The following ARHGAP1 variants were observed in gnomAD, a reference collection of about 807,000 sequenced individuals.
ARHGAP1 encodes rho GTPase-activating protein 1.
ARHGAP1 carries 23 observed loss-of-function variants against 52.2 expected under a neutral mutation model. That is an observed-to-expected ratio of 0.44 (90% confidence interval 0.32 to 0.62). ARHGAP1 has a LOEUF of 0.62. ARHGAP1 is among the 20% of genes least tolerant of loss of function. The pLI is 0.05. For synonymous variants in ARHGAP1, 210 were observed against 228.4 expected, an observed-to-expected ratio of 0.92 and a Z score of 0.73; for missense variants, 480 against 560.9, an observed-to-expected ratio of 0.86 and a Z score of 1.46.
Position 46,681,181 on chromosome 11 carries a change from A to C in ARHGAP1, c.537-72T>G. 1 of 1,541,754 alleles carries C rather than the reference A, an allele frequency of 6.5e-7. No homozygotes were observed. Among genetic ancestry groups the C allele is most frequent in the Non-Finnish European group, 9.0e-7 (1 of 1,114,690 alleles). ...GGCCTCCACTCTCCCCTCAACACCC[A>C]CCCAGTTCAGACGGAAGCCCAGCCG... On this transcript the variant is annotated intron_variant, in intron 6 of 12. Coordinates refer to ENST00000311956, the MANE Select transcript of ARHGAP1 (RefSeq NM_004308.5). The surrounding 1 kb of genome is among the most constrained non-coding windows in gnomAD (Gnocchi z 5.7).
rs542892016 is a variant in ARHGAP1 at position 46,677,878 on chromosome 11, A to G, written c.*1159T>C. On this transcript the variant is annotated 3_prime_UTR_variant, in exon 13 of 13. Transcript: ENST00000311956. ...GGCAGGAGAATTGCTTGAACCCAGA[A>G]GGCGGAGGTGTGCCGAGATCGCGCC... is the stretch of plus-strand genomic sequence containing the variant. The G allele has an allele frequency of 2.4e-6, 1 of 419,644 alleles. No homozygotes were observed. The highest frequency in any genetic ancestry group is 4.7e-6 in the Non-Finnish European group (1 of 213,964). 26.0% of individuals were successfully genotyped at this position (419,644 alleles called of 1,614,324 possible). A position where few individuals can be genotyped will look rare whatever the true frequency, so the allele number is the denominator to read the frequency against.
chr11:46,691,671 C>CA (rs2064616417), intron 3 of ARHGAP1, among the ~76,000 whole-genome samples: 2 of 152,084 alleles, frequency 1.3e-5, no homozygotes, highest in African/African-American at 4.8e-5. Flanking sequence ...AGGCTGGTCT[C>CA]AAACTCCCGA....
rs201809171 is a variant in ARHGAP1, at chr11:46,685,216, C to CT, written c.317+2956dup. ...TCTAGGTGGTGGGTGTGTGGGAGAC[C>CT]TTTTTTTTTTCACAGTTGTCTATAT... On this transcript the variant is annotated intron_variant, in intron 4 of 12. Coordinates refer to ENST00000311956, the MANE Select transcript of ARHGAP1 (RefSeq NM_004308.5). 2.1e-3 allele frequency among the ~76,000 whole-genome samples: 304 copies of CT among 145,120 alleles called. 1 individual carries two copies. In the Middle Eastern group the frequency reaches 0.053, roughly 25 times the overall value.
Position 46,681,968 on chromosome 11 carries a change from C to T in ARHGAP1, c.449+83G>A. ...GCCACCCCCTGCCTTGGAATAAGCT[C>T]CTGCCCAAGTGGAGGGCAGCCCGGA... On this transcript the variant is annotated intron_variant, in intron 5 of 12. Coordinates refer to ENST00000311956, the MANE Select transcript of ARHGAP1 (RefSeq NM_004308.5). This position sits in a 1 kb window ranked among gnomAD's most constrained non-coding sequence, Gnocchi z 5.7. 1.3e-6 allele frequency: 2 copies of T among 1,580,764 alleles called. No homozygotes were observed. The highest frequency in any genetic ancestry group is 1.7e-6 in the Non-Finnish European group (2 of 1,159,222).
At chr11:46,698,603 G>A (rs2064675274) in intron 1 of ARHGAP1, among the ~76,000 whole-genome samples, 1 of 33,162 alleles carries the variant, frequency 3.0e-5, no homozygotes, top group African/African-American at 1.3e-4. Flanking sequence ...GCAAAACTCT[G>A]TTTCAAAAAA....
rs979596706 is a variant in ARHGAP1, at chr11:46,678,267, C to T, written c.*770G>A. The stretch of plus-strand genomic sequence containing the variant: ...ACCTGGCCGGTCACTGATTCCATCA[C>T]ACGCTGTAGCTCTCGGGGGCGGGGA... On this transcript the variant is annotated 3_prime_UTR_variant, in exon 13 of 13. Transcript: ENST00000311956. 36 of 178,094 alleles carry T rather than the reference C, an allele frequency of 2.0e-4. No homozygotes were observed. Among genetic ancestry groups the T allele is most frequent in the Non-Finnish European group, 4.0e-4 (33 of 82,126 alleles). The allele number at this position is 178,094 out of a possible 1,614,324, so 11.0% of individuals were successfully genotyped here. A position where few individuals can be genotyped will look rare whatever the true frequency, so the allele number is the denominator to read the frequency against.
At chr11:46,700,026 C>T (rs1036557218) in intron 1 of ARHGAP1, among the ~76,000 whole-genome samples, 3 of 152,058 alleles carry the variant, frequency 2.0e-5, no homozygotes, top group Non-Finnish European at 4.4e-5. Context: ...AAAAATTAGC[C>T]GGGCGTGGTG....
intron 3 of ARHGAP1, among the ~76,000 whole-genome samples, chr11:46,693,953 G>A (rs926354114): frequency 2.0e-5 from 3 of 152,212 alleles, no homozygotes; most frequent in East Asian, 3.8e-4. Flanking sequence ...CACTGGGACT[G>A]AGCCAAATCT....
Position 46,681,963 on chromosome 11 carries a change from A to G in ARHGAP1, c.449+88T>C, listed in dbSNP as rs2064532167. Reference sequence around the variant, plus strand: ...CCCCCGCCACCCCCTGCCTTGGAATAAGCTCCTGCCCAAGTGGAGGGCAGC... The same window carrying G: ...CCCCCGCCACCCCCTGCCTTGGAATGAGCTCCTGCCCAAGTGGAGGGCAGC... On this transcript the variant is annotated intron_variant, in intron 5 of 12. Coordinates refer to ENST00000311956, the MANE Select transcript of ARHGAP1 (RefSeq NM_004308.5). The surrounding 1 kb of genome is among the most constrained non-coding windows in gnomAD (Gnocchi z 5.7). 6.4e-7 allele frequency: 1 copy of G among 1,574,344 alleles called. No homozygotes were observed. Among genetic ancestry groups the G allele is most frequent in the Non-Finnish European group, 8.6e-7 (1 of 1,156,188 alleles).
chr11:46,680,405 C>A lies in ARHGAP1; in HGVS notation c.820+82G>T. ...GGACGTTGAGGCTTGCAGGACCTCC[C>A]TCTGCCCTGCCCAGCAGCTTCCCCA... On this transcript the variant is annotated intron_variant, in intron 9 of 12. Coordinates refer to ENST00000311956, the MANE Select transcript of ARHGAP1 (RefSeq NM_004308.5). This position sits in a 1 kb window ranked among gnomAD's most constrained non-coding sequence, Gnocchi z 5.9. 6.3e-7 allele frequency: 1 copy of A among 1,585,344 alleles called. No individual in the cohort carries two copies. The highest frequency in any genetic ancestry group is 1.1e-5 in the South Asian group (1 of 90,470).
In ARHGAP1 at chr11:46,679,213, T is replaced by C. The variant is rs2064504520; in HGVS notation, c.1144A>G (p.Ser382Gly). The change falls in exon 13 of 13, where the codon AGT (serine) becomes GGT (glycine). Residue 382 changes from serine (S) to glycine (G), a missense_variant. Transcript: ENST00000311956. The surrounding 1 kb of genome is among the most constrained non-coding windows in gnomAD (Gnocchi z 4.4). ...GTGTTGGTCATCTTGTTCTGGTCAC[T>C]GTGTGCAGAAATCTGTGGAGGGAAT... ...TAFLVQISAH[S>G]DQNKMTNTNL... is the part of the protein sequence containing the mutation. 1.2e-6 allele frequency: 2 copies of C among 1,604,072 alleles called. No individual in the cohort carries two copies. The highest frequency in any genetic ancestry group is 1.7e-6 in the Non-Finnish European group (2 of 1,174,448).
At chr11:46,687,230 T>G (rs545235824) in intron 4 of ARHGAP1, 25 of 152,406 alleles carry the variant, frequency 1.6e-4, no homozygotes, top group African/African-American at 5.8e-4. Flanking sequence ...CTGCCTTGTC[T>G]GAAGAGCAGT....
Position 46,679,493 on chromosome 11 carries a change from A to T in ARHGAP1, c.1028-25T>A. 1 of 1,612,672 alleles carries T rather than the reference A, an allele frequency of 6.2e-7. No homozygotes were observed. The highest frequency in any genetic ancestry group is 8.5e-7 in the Non-Finnish European group (1 of 1,178,896). ...TCTATGAGGAAAGGAGGCCCGGGTTATAGGGGCCCTAGGCTGGGCTGGTTC... is the reference window on the plus strand; with the variant it reads ...TCTATGAGGAAAGGAGGCCCGGGTTTTAGGGGCCCTAGGCTGGGCTGGTTC... On this transcript the variant is annotated intron_variant, in intron 11 of 12. Transcript: ENST00000311956. The surrounding 1 kb of genome is among the most constrained non-coding windows in gnomAD (Gnocchi z 4.4).
chr11:46,680,914 G>T lies in ARHGAP1; in HGVS notation c.635+97C>A. 1 of 1,222,932 alleles carries T rather than the reference G, an allele frequency of 8.2e-7. No individual in the cohort carries two copies. Among genetic ancestry groups the T allele is most frequent in the Non-Finnish European group, 1.2e-6 (1 of 850,060 alleles). The allele number at this position is 1,222,932 out of a possible 1,614,324, so 75.8% of individuals were successfully genotyped here. ...AAAGACCTGGGAGAGGTCGGGACAC[G>T]GGCTTGCTCTGCCTAAGCCCCACGC... On this transcript the variant is annotated intron_variant, in intron 7 of 12. Transcript: ENST00000311956. This position sits in a 1 kb window ranked among gnomAD's most constrained non-coding sequence, Gnocchi z 5.9.
chr11:46,680,784 G>T lies in ARHGAP1; in HGVS notation c.636-37C>A. 7.0e-7 allele frequency: 1 copy of T among 1,434,218 alleles called. No homozygotes were observed. The highest frequency in any genetic ancestry group is 9.4e-7 in the Non-Finnish European group (1 of 1,063,428). The allele number at this position is 1,434,218 out of a possible 1,614,324, so 88.8% of individuals were successfully genotyped here. A position where few individuals can be genotyped will look rare whatever the true frequency, so the allele number is the denominator to read the frequency against. On this transcript the variant is annotated intron_variant, in intron 7 of 12. Coordinates refer to ENST00000311956, the MANE Select transcript of ARHGAP1 (RefSeq NM_004308.5). The surrounding 1 kb of genome is among the most constrained non-coding windows in gnomAD (Gnocchi z 5.9). ...GAGGGAGGTGGGTCAGGTCCTGCCTGGCTCTGGAGTCACTCTGCCAATTCA... is the reference window on the plus strand; with the variant it reads ...GAGGGAGGTGGGTCAGGTCCTGCCTTGCTCTGGAGTCACTCTGCCAATTCA...
Position 46,679,551 on chromosome 11 carries a change from C to T in ARHGAP1, c.1028-83G>A. The T allele has an allele frequency of 1.2e-6, 2 of 1,605,608 alleles. No individual in the cohort carries two copies. The highest frequency in any genetic ancestry group is 1.1e-5 in the South Asian group (1 of 90,734). ...TCTGATGCAGGCTAGAGGGGAGACC[C>T]CCAGCAGTCTTCCCTGGGAGGCGCC... On this transcript the variant is annotated intron_variant, in intron 11 of 12. Transcript: ENST00000311956. The surrounding 1 kb of genome is among the most constrained non-coding windows in gnomAD (Gnocchi z 4.4).
intron 4 of ARHGAP1, among the ~76,000 whole-genome samples, chr11:46,686,192 G>A (rs1317497331): frequency 6.6e-6 from 1 of 151,088 alleles, no homozygotes; most frequent in Non-Finnish European, 1.5e-5. Context: ...GGTCATGTTG[G>A]TCAGGCTGGT....
In ARHGAP1 at chr11:46,679,144, C is replaced by T; in HGVS notation, c.1213G>A (p.Asp405Asn). The change falls in exon 13 of 13, where the codon GAT (aspartate) becomes AAT (asparagine). Residue 405 changes from aspartate (D) to asparagine (N), a missense_variant. By Grantham distance (23) the Asp-to-Asn change is conservative (BLOSUM62 1). Transcript: ENST00000311956. This position sits in a 1 kb window ranked among gnomAD's most constrained non-coding sequence, Gnocchi z 4.4. ...VFGPNLLWAKDAAITLKAINP... is the reference protein window; with the variant it reads ...VFGPNLLWAKNAAITLKAINP... Reference sequence around the variant, plus strand: ...ATGGCCTTGAGGGTGATGGCCGCATCCTTGGCCCACAGCAGGTTAGGGCCG... The same window carrying T: ...ATGGCCTTGAGGGTGATGGCCGCATTCTTGGCCCACAGCAGGTTAGGGCCG... 1.9e-6 allele frequency: 3 copies of T among 1,614,024 alleles called. No individual in the cohort carries two copies. The highest frequency in any genetic ancestry group is 2.5e-6 in the Non-Finnish European group (3 of 1,179,930).
chr11:46,699,814 A>G (rs893131412), intron 1 of ARHGAP1, among the ~76,000 whole-genome samples: 3 of 152,198 alleles, frequency 2.0e-5, no homozygotes, highest in African/African-American at 4.8e-5. Flanking sequence ...TTATGTTTGC[A>G]TAGAGCTTCA....
Sources: gnomAD v4.1 joint callset for allele counts (sites outside exome capture counted in the v4.1 genomes callset) on GRCh38, gnomAD v4.1.1 for gene constraint, Gnocchi (gnomAD v3.1) non-coding constraint, MANE v1.5 for transcripts, NCBI Gene and HGNC (gene_info 2026-07-23, HGNC 2026-07-21) for gene names.